GRIN2C: variants seen among roughly 807,000 people sequenced by gnomAD.
GRIN2C encodes glutamate ionotropic receptor NMDA type subunit 2C, also known as glutamate receptor ionotropic, NMDA 2C.
GRIN2C carries 64 observed loss-of-function variants against 77.7 expected under a neutral mutation model. The ratio of observed to expected loss-of-function variants is 0.82; its 90% CI spans 0.67 to 1.01. GRIN2C has a LOEUF of 1.01. GRIN2C is among the 50% of genes least tolerant of loss of function. The pLI, the probability that GRIN2C is intolerant of heterozygous loss-of-function variation, is 0.00. For missense variants in GRIN2C, 1,549 were observed against 1,486.0 expected (o/e 1.04, Z -0.70); for synonymous variants, 792 against 643.4 (o/e 1.23, Z -3.49).
In GRIN2C at chr17:74,842,506, C is replaced by T. The variant is rs146359205; in HGVS notation, c.3631G>A (p.Ala1211Thr). Residue 1211 changes from alanine (A) to threonine (T), a missense_variant, in exon 13 of 13, where the codon GCC becomes ACC. Physicochemically the swap from Ala to Thr is moderately conservative, Grantham distance 58. Coordinates refer to ENST00000293190, the MANE Select transcript of GRIN2C (RefSeq NM_000835.6). ...CCCGGGAAGCCTTGCGTCCCACGGG[C>T]TACCCTGCTGATCTCGTCCAGTCCC... The part of the protein sequence containing the change: ...SGGLDEISRV[A>T]RGTQGFPGPC... The T allele has an allele frequency of 1.2e-4, 92 of 779,258 alleles. 1 individual carries two copies. In the African/African-American group the frequency reaches 1.3e-3, roughly 11 times the overall value. The allele number at this position is 779,258 out of a possible 1,614,324, so 48.3% of individuals were successfully genotyped here.
rs1225158062 is a variant in GRIN2C, at chr17:74,846,785, C to G, written c.2137G>C (p.Asp713His). The G allele has an allele frequency of 1.2e-6, 2 of 1,613,912 alleles. No homozygotes were observed. Among genetic ancestry groups the G allele is most frequent in the Non-Finnish European group, 1.7e-6 (2 of 1,179,982 alleles). Residue 713 changes from aspartate (D) to histidine (H), a missense_variant, in exon 10 of 13, where the codon GAC (aspartate) becomes CAC (histidine). By Grantham distance (81) the Asp-to-His change is moderately conservative (BLOSUM62 -1). Transcript: ENST00000293190. The surrounding 1 kb of genome is among the most constrained non-coding windows in gnomAD (Gnocchi z 4.4). Reference sequence around the variant, plus strand: ...CCCATCTTGAGGCTGGTGAGCGCGTCCTCCACCGAGCGCTGGTTGAACTTG... The same window carrying G: ...CCCATCTTGAGGCTGGTGAGCGCGTGCTCCACCGAGCGCTGGTTGAACTTG... ...MVKFNQRSVE[D>H]ALTSLKMGKL...
In GRIN2C at chr17:74,846,075, G is replaced by A. The variant is rs530513035; in HGVS notation, c.2341C>T (p.Leu781=). ...CAATGGCAGTACCCACCGTCCCCCA[G>A]GAACTGCAAGAGCGCCAGGTCTATG... The part of the protein sequence containing the change: ...RAIDLALLQF[L]GDGETQKLET... The change falls in exon 11 of 13, where the codon CTG becomes TTG. Residue 781 remains leucine, a synonymous_variant. Coordinates refer to ENST00000293190, the MANE Select transcript of GRIN2C (RefSeq NM_000835.6). The surrounding 1 kb of genome is among the most constrained non-coding windows in gnomAD (Gnocchi z 4.4). 4.0e-5 allele frequency: 64 copies of A among 1,614,080 alleles called. No individual in the cohort carries two copies. In the South Asian group the frequency reaches 6.8e-4, roughly 17 times the overall value.
chr17:74,852,882 C>CA (rs2037709347), intron 2 of GRIN2C: 1 of 380,806 alleles, frequency 2.6e-6, no homozygotes, highest in African/African-American at 2.1e-5. Context: ...TGCAGATTCT[C>CA]AGGTCGCACC....
chr17:74,860,556 C>G (rs1407049083), upstream of GRIN2C: 1 of 451,162 alleles, frequency 2.2e-6, no homozygotes, highest in South Asian at 1.6e-5. Context: ...ACAGGAGACT[C>G]GGGGCTTCCC....
chr17:74,847,878 T>C lies in GRIN2C; in HGVS notation c.1745A>G (p.Tyr582Cys). Residue 582 changes from tyrosine (Y) to cysteine (C), a missense_variant, in exon 8 of 13, where the codon TAC becomes TGC. Physicochemically the swap from Tyr to Cys is radical, Grantham distance 194. Transcript: ENST00000293190. This position sits in a 1 kb window ranked among gnomAD's most constrained non-coding sequence, Gnocchi z 5.2. ...CTTGCCTCTGGTGAGGTTCTGGTTG[T>C]AGCTGACAGGGCTGAAGTACTCGAA... ...FMFEYFSPVS[Y>C]NQNLTRGKKS... 2 of 1,614,046 alleles carry C rather than the reference T, an allele frequency of 1.2e-6. No individual in the cohort carries two copies. Among genetic ancestry groups the C allele is most frequent in the Non-Finnish European group, 1.7e-6 (2 of 1,179,984 alleles).
chr17:74,853,533 G>C (rs1360177372), intron 2 of GRIN2C: 1 of 152,164 alleles, frequency 6.6e-6, no homozygotes, highest in Non-Finnish European at 1.5e-5. Flanking sequence ...TTATTTTTTA[G>C]ACGTGATAAT....
At position 74,850,788 on chromosome 17, in the gene GRIN2C, A is replaced by C. The variant is rs1567894852; in HGVS notation, c.1114-21T>G. On this transcript the variant is annotated intron_variant, in intron 4 of 12. Coordinates refer to ENST00000293190, the MANE Select transcript of GRIN2C (RefSeq NM_000835.6). The surrounding 1 kb of genome is among the most constrained non-coding windows in gnomAD (Gnocchi z 5.3). ...CCCACCTGTGGAGGGTGACAGCCTC[A>C]GCCTGGGGCCTCCAGCCCTACAGCC... 1 of 1,592,084 alleles carries C rather than the reference A, an allele frequency of 6.3e-7. No individual in the cohort carries two copies. The highest frequency in any genetic ancestry group is 1.1e-5 in the South Asian group (1 of 89,724).
In GRIN2C at chr17:74,850,983, C is replaced by T. The variant is rs2037624413; in HGVS notation, c.1114-216G>A. 1.7e-6 allele frequency: 1 copy of T among 595,208 alleles called. No homozygotes were observed. Among genetic ancestry groups the T allele is most frequent in the Non-Finnish European group, 3.0e-6 (1 of 333,120 alleles). 36.9% of individuals were successfully genotyped at this position (595,208 alleles called of 1,614,324 possible). On this transcript the variant is annotated intron_variant, in intron 4 of 12. Transcript: ENST00000293190. The surrounding 1 kb of genome is among the most constrained non-coding windows in gnomAD (Gnocchi z 5.3). ...CATCTTCCTAAAGCCCAGACCTGAC[C>T]CTGTCTCACTCACTGTACTGGTCCC... is the stretch of plus-strand genomic sequence containing the variant.
chr17:74,850,978 C>T lies in GRIN2C; in HGVS notation c.1114-211G>A. 8 of 596,906 alleles carry T rather than the reference C, an allele frequency of 1.3e-5. No homozygotes were observed. The Middle Eastern group carries it at 2.7e-3, about 199-fold the overall frequency. 37.0% of individuals were successfully genotyped at this position (596,906 alleles called of 1,614,324 possible). ...CACAGCATCTTCCTAAAGCCCAGAC[C>T]TGACCCTGTCTCACTCACTGTACTG... is the stretch of plus-strand genomic sequence containing the variant. On this transcript the variant is annotated intron_variant, in intron 4 of 12. Coordinates refer to ENST00000293190, the MANE Select transcript of GRIN2C (RefSeq NM_000835.6). The surrounding 1 kb of genome is among the most constrained non-coding windows in gnomAD (Gnocchi z 5.3).
chr17:74,854,742 C>T lies in GRIN2C; in HGVS notation c.351G>A (p.Val117=). Residue 117 remains valine, a synonymous_variant, in exon 2 of 13, where the codon GTG becomes GTA. Transcript: ENST00000293190. The part of the protein sequence containing the change: ...ILDFISSQTH[V]PILSISGGSA... ...AGCCTCCGCTGATGCTGAGGATGGG[C>T]ACATGGGTCTGGGAGGAGATGAAGT... 6.2e-7 allele frequency: 1 copy of T among 1,612,332 alleles called. No homozygotes were observed.
chr17:74,843,299 C>A lies in GRIN2C; in HGVS notation c.2838G>T (p.Leu946=). 8.0e-7 allele frequency: 1 copy of A among 1,245,566 alleles called. No homozygotes were observed. 77.2% of individuals were successfully genotyped at this position (1,245,566 alleles called of 1,614,324 possible). The change falls in exon 13 of 13, where the codon CTG becomes CTT. Residue 946 remains leucine (L), a synonymous_variant. Transcript: ENST00000293190. ...GCTCTGGGGGCGGGTCGGGGGTGGG[C>A]AGGCATGGGCTGGGGCCAGACCGCG... ...PTPRSGPSPC[L]PTPDPPPEPS...
intron 1 of GRIN2C, among the ~76,000 whole-genome samples, chr17:74,858,377 G>T (rs1440364331): frequency 1.3e-5 from 2 of 151,866 alleles, no homozygotes; most frequent in African/African-American, 2.4e-5. Flanking sequence ...GGGAGTTGAG[G>T]CAGGTTGTAC....
rs2037567362 is a variant in GRIN2C at position 74,849,581 on chromosome 17, G to A, written c.1645+199C>T. ...ACACCCCCAACCCCACCCTCACCTG[G>A]CAGCCATACCTAGAACCGAACACTG... is the stretch of plus-strand genomic sequence containing the variant. On this transcript the variant is annotated intron_variant, in intron 7 of 12. Coordinates refer to ENST00000293190, the MANE Select transcript of GRIN2C (RefSeq NM_000835.6). The surrounding 1 kb of genome is among the most constrained non-coding windows in gnomAD (Gnocchi z 4.6). Among the ~76,000 whole-genome samples, 1 of 151,998 alleles carries A rather than the reference G, an allele frequency of 6.6e-6. No individual in the cohort carries two copies. The highest frequency in any genetic ancestry group is 1.9e-4 in the East Asian group (1 of 5,176).
chr17:74,856,065 G>C (rs1368653379), intron 1 of GRIN2C, among the ~76,000 whole-genome samples: 1 of 152,202 alleles, frequency 6.6e-6, no homozygotes, highest in Non-Finnish European at 1.5e-5. Context: ...CCAACCCAGG[G>C]GCCTGACACG....
At chr17:74,844,560 C>A (rs753393714) in intron 11 of GRIN2C, 52 bp from the exon 12 acceptor site, 1 of 1,585,958 alleles carries the variant, frequency 6.3e-7, no homozygotes, top group Admixed American at 1.7e-5. Flanking sequence ...CTATAAGCAA[C>A]CCCCTCACAA....
upstream of GRIN2C, chr17:74,860,335 C>A: frequency 2.3e-6 from 1 of 441,462 alleles, no homozygotes. Context: ...ATAACGCCAC[C>A]ATCCGAGGGC....
chr17:74,846,660 T>C lies in GRIN2C; in HGVS notation c.2162+100A>G. On this transcript the variant is annotated intron_variant, in intron 10 of 12. Coordinates refer to ENST00000293190, the MANE Select transcript of GRIN2C (RefSeq NM_000835.6). This position sits in a 1 kb window ranked among gnomAD's most constrained non-coding sequence, Gnocchi z 4.4. ...TCTTCCCTCCACCCCACAGGAGTCC[T>C]GCAGGACAGCCCAGTCCCACTGTCC... 5 of 1,315,702 alleles carry C rather than the reference T, an allele frequency of 3.8e-6. No homozygotes were observed. In the South Asian group the frequency reaches 5.5e-5, roughly 14 times the overall value. The allele number at this position is 1,315,702 out of a possible 1,614,324, so 81.5% of individuals were successfully genotyped here.
chr17:74,842,130 A>T lies in GRIN2C; in HGVS notation c.*305T>A. ...GCCTCAACCACAAGTTCCAGCCTCC[A>T]TGCCCACAGCAGCCATGACCAGTAA... On this transcript the variant is annotated 3_prime_UTR_variant, in exon 13 of 13. Coordinates refer to ENST00000293190, the MANE Select transcript of GRIN2C (RefSeq NM_000835.6). 1 of 359,418 alleles carries T rather than the reference A, an allele frequency of 2.8e-6. No homozygotes were observed. Among genetic ancestry groups the T allele is most frequent in the Non-Finnish European group, 5.0e-6 (1 of 198,470 alleles). The allele number at this position is 359,418 out of a possible 1,614,324, so 22.3% of individuals were successfully genotyped here. A position where few individuals can be genotyped will look rare whatever the true frequency, so the allele number is the denominator to read the frequency against.
At position 74,849,271 on chromosome 17, in the gene GRIN2C, A is replaced by C. The variant is rs1420465495; in HGVS notation, c.1645+509T>G. Among the ~76,000 whole-genome samples, 1 of 152,082 alleles carries C rather than the reference A, an allele frequency of 6.6e-6. No individual in the cohort carries two copies. The highest frequency in any genetic ancestry group is 1.5e-5 in the Non-Finnish European group (1 of 68,004). The stretch of plus-strand genomic sequence containing the variant: ...TCCCCTGCCCCTCGCCTGTCTTCAC[A>C]GCTCTCTGCCACCTCACACTTCATG... On this transcript the variant is annotated intron_variant, in intron 7 of 12. Transcript: ENST00000293190. This position sits in a 1 kb window ranked among gnomAD's most constrained non-coding sequence, Gnocchi z 4.6.
Sources: gnomAD v4.1 joint callset for allele counts (sites outside exome capture counted in the v4.1 genomes callset) on GRCh38, gnomAD v4.1.1 for gene constraint, Gnocchi (gnomAD v3.1) non-coding constraint, MANE v1.5 for transcripts, NCBI Gene and HGNC (gene_info 2026-07-23, HGNC 2026-07-21) for gene names.